CRMP1: variants seen among roughly 807,000 people sequenced by gnomAD.
The protein encoded by CRMP1 is collapsin response mediator protein 1, also known as dihydropyrimidinase-related protein 1.
A neutral mutation model predicts 68.3 loss-of-function variants in CRMP1; 19 were observed. That is an observed-to-expected ratio of 0.28 (90% CI 0.19 to 0.41). The LOEUF (loss-of-function observed/expected upper bound fraction) is 0.41, where lower values mean the gene tolerates loss of function less well. Among genes scored for constraint, CRMP1 ranks in the 10% least tolerant of loss-of-function variants. The pLI is 1.00. For missense variants in CRMP1, 791 were observed against 967.4 expected, an observed-to-expected ratio of 0.82 and a Z score of 2.42; for synonymous variants, 439 against 399.6, an observed-to-expected ratio of 1.10 and a Z score of -1.18.
chr4:5,872,375 C>T lies in CRMP1; in HGVS notation c.382-5619G>A, dbSNP rs940244443. Reference sequence around the variant, plus strand: ...AACAGCAGATGTGAACAATGGTACGCTCTGCACAAACATTATTATGTATAA... The same window carrying T: ...AACAGCAGATGTGAACAATGGTACGTTCTGCACAAACATTATTATGTATAA... On this transcript the variant is annotated intron_variant, in intron 1 of 13. Coordinates refer to ENST00000324989, the MANE Select transcript of CRMP1 (RefSeq NM_001014809.3). The surrounding 1 kb of genome is among the most constrained non-coding windows in gnomAD (Gnocchi z 4.6). 1.3e-5 allele frequency among the ~76,000 whole-genome samples: 2 copies of T among 152,188 alleles called. No homozygotes were observed. The highest frequency in any genetic ancestry group is 2.9e-5 in the Non-Finnish European group (2 of 68,044).
In CRMP1 at chr4:5,881,121, G is replaced by A. The variant is rs3774889; in HGVS notation, c.381+11468C>T. Among the ~76,000 whole-genome samples the A allele has an allele frequency of 0.18, 27,202 of 152,202 alleles. 2,511 individuals are homozygous for A. The highest frequency in any genetic ancestry group is 0.22 in the Admixed American group (3,326 of 15,284). On this transcript the variant is annotated intron_variant, in intron 1 of 13. Transcript: ENST00000324989. This position sits in a 1 kb window ranked among gnomAD's most constrained non-coding sequence, Gnocchi z 4.6. ...CACACATGGTGTGCCAGGTCAAGGC[G>A]AATGCTCTGGATGCCTGGGACACAG...
intron 11 of CRMP1, 88 bp from the exon 12 acceptor site, chr4:5,828,756 C>A: frequency 6.9e-7 from 1 of 1,441,160 alleles, no homozygotes; most frequent in Non-Finnish European, 9.4e-7. Context: ...AACATTATAT[C>A]ATAAGCGTGT....
At chr4:5,874,159 A>C (rs1714649636) in intron 1 of CRMP1, among the ~76,000 whole-genome samples, 1 of 152,220 alleles carries the variant, frequency 6.6e-6, no homozygotes, top group South Asian at 2.1e-4. Context: ...GAAAATATCC[A>C]AAACAGGGTC....
intron 11 of CRMP1, among the ~76,000 whole-genome samples, chr4:5,832,907 A>G (rs1720474018): frequency 6.6e-6 from 1 of 152,212 alleles, no homozygotes; most frequent in East Asian, 1.9e-4. Flanking sequence ...ATAATTAGGT[A>G]AGATGAGGTC....
rs1214220404 is a variant in CRMP1 at position 5,854,059 on chromosome 4, C to T, written c.820+2084G>A. On this transcript the variant is annotated intron_variant, in intron 4 of 13. Coordinates refer to ENST00000324989, the MANE Select transcript of CRMP1 (RefSeq NM_001014809.3). The surrounding 1 kb of genome is among the most constrained non-coding windows in gnomAD (Gnocchi z 4.0). ...GTGTCTTTCCCTACAAACTCCACTG[C>T]CACTCCAGAGACCCTCCCATCTCAG... Among the ~76,000 whole-genome samples the T allele has an allele frequency of 7.2e-5, 11 of 152,206 alleles. No homozygotes were observed. The highest frequency in any genetic ancestry group is 7.2e-4 in the Admixed American group (11 of 15,276).
Position 5,859,157 on chromosome 4 carries a change from C to T in CRMP1, c.655+1869G>A, listed in dbSNP as rs539875935. ...AACGAGCATCATTCCTGCTTTTGTTCACCTGGTACAGTGCCTGGTGCGGAC... is the reference window on the plus strand; with the variant it reads ...AACGAGCATCATTCCTGCTTTTGTTTACCTGGTACAGTGCCTGGTGCGGAC... On this transcript the variant is annotated intron_variant, in intron 3 of 13. Transcript: ENST00000324989. The surrounding 1 kb of genome is among the most constrained non-coding windows in gnomAD (Gnocchi z 5.2). Among the ~76,000 whole-genome samples, 1 of 152,176 alleles carries T rather than the reference C, an allele frequency of 6.6e-6. No individual in the cohort carries two copies. Among genetic ancestry groups the T allele is most frequent in the South Asian group, 2.1e-4 (1 of 4,818 alleles).
Position 5,872,328 on chromosome 4 carries a change from C to T in CRMP1, c.382-5572G>A, listed in dbSNP as rs1714515472. Among the ~76,000 whole-genome samples the T allele has an allele frequency of 6.6e-6, 1 of 152,142 alleles. No individual in the cohort carries two copies. The highest frequency in any genetic ancestry group is 1.5e-5 in the Non-Finnish European group (1 of 68,040). On this transcript the variant is annotated intron_variant, in intron 1 of 13. Transcript: ENST00000324989. The surrounding 1 kb of genome is among the most constrained non-coding windows in gnomAD (Gnocchi z 4.6). Reference sequence around the variant, plus strand: ...AATACCGGTGCCGTCTATTGCCTCTCACGGGGTTACTGTGAGGGGAAAACA... The same window carrying T: ...AATACCGGTGCCGTCTATTGCCTCTTACGGGGTTACTGTGAGGGGAAAACA...
intron 5 of CRMP1, 145 bp from the exon 6 acceptor site, chr4:5,849,617 G>A (rs552511150): frequency 2.7e-5 from 16 of 595,434 alleles, no homozygotes; most frequent in African/African-American, 1.7e-4. Flanking sequence ...GATGGAATAC[G>A]CTGCTACACA....
In CRMP1 at chr4:5,822,862, A is replaced by G. The variant is rs76086514; in HGVS notation, c.1970-1011T>C. On this transcript the variant is annotated intron_variant, in intron 13 of 13. Transcript: ENST00000324989. The stretch of plus-strand genomic sequence containing the variant: ...AAGTAAGTTAGCTCACTGCAACCAC[A>G]GCATTATCAGTACTGCACAAAGCCC... 5.3e-3 allele frequency among the ~76,000 whole-genome samples: 800 copies of G among 152,354 alleles called. 6 individuals carry two copies. The highest frequency in any genetic ancestry group is 0.018 in the African/African-American group (749 of 41,584).
chr4:5,873,424 T>A (rs930379513), intron 1 of CRMP1, among the ~76,000 whole-genome samples: 2 of 152,024 alleles, frequency 1.3e-5, no homozygotes, highest in African/African-American at 4.8e-5. Flanking sequence ...GGCTCATGAT[T>A]CTGCAGGCTG....
intron 5 of CRMP1, among the ~76,000 whole-genome samples, 184 bp downstream of exon 5, chr4:5,851,224 A>G (rs556751077): frequency 1.3e-5 from 2 of 152,354 alleles, no homozygotes; most frequent in African/African-American, 4.8e-5. Context: ...TCACACAGTC[A>G]GAAAAGAACA....
rs71171489 is a variant in CRMP1 at position 5,842,428 on chromosome 4, CAAA to C, written c.1032+662_1032+664del. Among the ~76,000 whole-genome samples, 2 of 99,090 alleles carry C rather than the reference CAAA, an allele frequency of 2.0e-5. No individual in the cohort carries two copies. The highest frequency in any genetic ancestry group is 2.1e-5 in the Non-Finnish European group (1 of 47,656). The allele number at this position is 99,090 out of a possible 152,430, so 65.0% of individuals were successfully genotyped here. Reference sequence around the variant, plus strand: ...TGGGCAACAGAGAGAGACTCCATCTCAAAAAAAAAAAAAAAAAAAGAAAAGAAA... The same window carrying C: ...TGGGCAACAGAGAGAGACTCCATCTCAAAAAAAAAAAAAAAAGAAAAGAAA... On this transcript the variant is annotated intron_variant, in intron 7 of 13. Coordinates refer to ENST00000324989, the MANE Select transcript of CRMP1 (RefSeq NM_001014809.3). The surrounding 1 kb of genome is among the most constrained non-coding windows in gnomAD (Gnocchi z 4.5).
intron 11 of CRMP1, among the ~76,000 whole-genome samples, chr4:5,835,028 G>A (rs901569517): frequency 2.6e-5 from 4 of 152,074 alleles, no homozygotes; most frequent in African/African-American, 7.3e-5. Context: ...CTCATGTCCT[G>A]TCCCCACACC....
chr4:5,845,445 C>T (rs1245168132), intron 6 of CRMP1, among the ~76,000 whole-genome samples: 1 of 152,256 alleles, frequency 6.6e-6, no homozygotes, highest in Non-Finnish European at 1.5e-5. Context: ...CAGCAAAGAA[C>T]AGACCATCAC....
chr4:5,852,894 G>A (rs1049323558), intron 4 of CRMP1, among the ~76,000 whole-genome samples: 3 of 152,140 alleles, frequency 2.0e-5, no homozygotes, highest in African/African-American at 4.8e-5. Context: ...GGAAAAGGCA[G>A]GGAGACTGTT....
rs1437017377 is a variant in CRMP1, at chr4:5,877,040, G to A, written c.382-10284C>T. Among the ~76,000 whole-genome samples the A allele has an allele frequency of 1.3e-5, 2 of 152,190 alleles. No individual in the cohort carries two copies. The highest frequency in any genetic ancestry group is 2.1e-4 in the South Asian group (1 of 4,822). On this transcript the variant is annotated intron_variant, in intron 1 of 13. Transcript: ENST00000324989. This position sits in a 1 kb window ranked among gnomAD's most constrained non-coding sequence, Gnocchi z 4.3. ...TTTGGCTGGGAGTGCACCAGTCTGA[G>A]CACAAGCTTTAAGGGGCAGATGGGT...
In CRMP1 at chr4:5,890,172, T is replaced by G. The variant is rs1715874243; in HGVS notation, c.381+2417A>C. The G allele has an allele frequency of 5.7e-6, 1 of 174,802 alleles. No homozygotes were observed. Among genetic ancestry groups the G allele is most frequent in the Admixed American group, 5.5e-5 (1 of 18,126 alleles). The allele number at this position is 174,802 out of a possible 1,614,324, so 10.8% of individuals were successfully genotyped here. A position where few individuals can be genotyped will look rare whatever the true frequency, so the allele number is the denominator to read the frequency against. ...CACTCCCTTCCTTGGAGTTGTTAAG[T>G]CCTAGGTTCCCCGTACCAGGGCGTT... is the stretch of plus-strand genomic sequence containing the variant. On this transcript the variant is annotated intron_variant, in intron 1 of 13. Transcript: ENST00000324989. This position sits in a 1 kb window ranked among gnomAD's most constrained non-coding sequence, Gnocchi z 5.5.
chr4:5,831,915 C>T (rs1250311007), intron 11 of CRMP1, among the ~76,000 whole-genome samples: 1 of 152,218 alleles, frequency 6.6e-6, no homozygotes, highest in African/African-American at 2.4e-5. Flanking sequence ...TTCTTTTATA[C>T]CCTTTAAAGA....
chr4:5,851,584 A>AC, intron 4 of CRMP1, 115 bp from the exon 5 acceptor site: 2 of 1,037,542 alleles, frequency 1.9e-6, no homozygotes, highest in Non-Finnish European at 3.0e-6. Context: ...GATGAGTGCC[A>AC]TTGGGATCCC....
Sources: allele counts gnomAD v4.1 joint callset (sites outside exome capture counted in the v4.1 genomes callset), GRCh38; gene constraint gnomAD v4.1.1; non-coding constraint Gnocchi (gnomAD v3.1); transcripts MANE v1.5; gene names NCBI Gene and HGNC (gene_info 2026-07-23, HGNC 2026-07-21).